The following TECRL variants were observed in gnomAD, a reference collection of about 807,000 sequenced individuals.
TECRL encodes trans-2,3-enoyl-CoA reductase-like.
Under a neutral mutation model 52.8 loss-of-function variants are expected in TECRL, and 63 were observed. The ratio of observed to expected loss-of-function variants is 1.19; its 90% CI spans 0.97 to 1.47. The LOEUF is 1.47. Ranked by LOEUF, TECRL falls within the 40% of genes most tolerant of loss-of-function variation. TECRL has a pLI of 0.00. For missense variants in TECRL, 482 were observed against 429.6 expected (o/e 1.12, Z -1.08); for synonymous variants, 164 against 141.9 (o/e 1.16, Z -1.10).
chr4:64,286,534 TA>T (rs151059555), intron 9 of TECRL, among the ~76,000 whole-genome samples: 31,656 of 145,360 alleles, frequency 0.22, 3,433 homozygotes, highest in South Asian at 0.29. Flanking sequence ...TTTTAGAACG[TA>T]AAAAAAAAAA....
At chr4:64,325,993 C>G (rs917982634) in intron 3 of TECRL, among the ~76,000 whole-genome samples, 2 of 152,104 alleles carry the variant, frequency 1.3e-5, no homozygotes, top group Non-Finnish European at 2.9e-5. Flanking sequence ...GCCAAGAGGA[C>G]AGGAAATACC....
At chr4:64,343,264 C>T (rs1043099258) in intron 2 of TECRL, among the ~76,000 whole-genome samples, 2 of 152,054 alleles carry the variant, frequency 1.3e-5, no homozygotes, top group Middle Eastern at 3.4e-3. Flanking sequence ...TATATCTCTC[C>T]GTGTTTATGT....
chr4:64,385,384 G>A (rs1723105552), intron 1 of TECRL, among the ~76,000 whole-genome samples: 1 of 152,202 alleles, frequency 6.6e-6, no homozygotes, highest in Non-Finnish European at 1.5e-5. Context: ...GGTCAATGGT[G>A]CAATGTTGCA....
intron 2 of TECRL, among the ~76,000 whole-genome samples, chr4:64,349,827 T>C (rs1206076771): frequency 6.6e-6 from 1 of 152,134 alleles, no homozygotes; most frequent in Non-Finnish European, 1.5e-5. Flanking sequence ...AAGTTGACTA[T>C]ACATCAAAAA....
chr4:64,282,517 A>G (rs1722878762), intron 9 of TECRL, among the ~76,000 whole-genome samples: 1 of 151,936 alleles, frequency 6.6e-6, no homozygotes, highest in African/African-American at 2.4e-5. Flanking sequence ...GTTATTACTG[A>G]TTTTTTACAG....
intron 2 of TECRL, among the ~76,000 whole-genome samples, chr4:64,374,006 G>GTATGGTA: frequency 7.4e-6 from 1 of 135,180 alleles, no homozygotes; most frequent in East Asian, 2.1e-4. Context: ...CTATACTATA[G>GTATGGTA]TATAGTATAT....
At chr4:64,391,440 A>AAAT (rs1723541233) in intron 1 of TECRL, among the ~76,000 whole-genome samples, 1 of 151,890 alleles carries the variant, frequency 6.6e-6, no homozygotes, top group East Asian at 1.9e-4. Context: ...TTTCAAAGTT[A>AAAT]AATGACCAGA....
At chr4:64,347,101 C>A (rs969308767) in intron 2 of TECRL, among the ~76,000 whole-genome samples, 1 of 152,174 alleles carries the variant, frequency 6.6e-6, no homozygotes, top group African/African-American at 2.4e-5. Flanking sequence ...TCTGCCTTTA[C>A]AATCCTGAAT....
chr4:64,296,674 TAAAG>T (rs1723704452), intron 8 of TECRL, among the ~76,000 whole-genome samples: 1 of 151,704 alleles, frequency 6.6e-6, no homozygotes, highest in Non-Finnish European at 1.5e-5. Context: ...TACAAAAAGA[TAAAG>T]AAAATAGGAA....
rs1432525326 is a variant in TECRL at position 64,284,485 on chromosome 4, A to T, written c.833-2926T>A. Among the ~76,000 whole-genome samples, 4 of 151,790 alleles carry T rather than the reference A, an allele frequency of 2.6e-5. No homozygotes were observed. In the East Asian group the frequency reaches 7.8e-4, roughly 29 times the overall value. On this transcript the variant is annotated intron_variant, in intron 9 of 11. Coordinates refer to ENST00000381210, the MANE Select transcript of TECRL (RefSeq NM_001010874.5). ...CAGGGAATATGGTAGTGAAAGGAAC[A>T]CCATCATCACTAAGATTCGCATTGG...
intron 5 of TECRL, among the ~76,000 whole-genome samples, chr4:64,313,530 G>A (rs1375198347): frequency 1.5e-5 from 2 of 136,506 alleles, no homozygotes; most frequent in Non-Finnish European, 3.1e-5. Context: ...CCCCCAGGCC[G>A]GAGTGCAGTG....
chr4:64,332,283 T>C (rs1057145573), intron 2 of TECRL, among the ~76,000 whole-genome samples: 1 of 152,122 alleles, frequency 6.6e-6, no homozygotes, highest in Admixed American at 6.6e-5. Context: ...TACCCTTAAA[T>C]AAGGATGAAT....
chr4:64,285,751 T>A (rs937405915), intron 9 of TECRL, among the ~76,000 whole-genome samples: 1 of 152,002 alleles, frequency 6.6e-6, no homozygotes, highest in African/African-American at 2.4e-5. Flanking sequence ...TTATCTGAAA[T>A]TAGTTGAGGC....
intron 2 of TECRL, among the ~76,000 whole-genome samples, chr4:64,349,513 G>A (rs973404455): frequency 2.0e-5 from 3 of 152,232 alleles, no homozygotes; most frequent in Admixed American, 1.3e-4. Context: ...TGATTACCCT[G>A]AGTGAAAATC....
At chr4:64,277,092 C>T (rs1463309811), downstream of TECRL, 2 of 1,398,338 alleles carry the variant, frequency 1.4e-6, no homozygotes, top group Admixed American at 4.0e-5. Context: ...AAACACATTT[C>T]ATAATTAAGA....
At chr4:64,321,855 G>C (rs1717923307) in intron 4 of TECRL, among the ~76,000 whole-genome samples, 1 of 152,094 alleles carries the variant, frequency 6.6e-6, no homozygotes, top group Non-Finnish European at 1.5e-5. Context: ...GTTGCCAAAA[G>C]TTTGTTTCTC....
intron 5 of TECRL, among the ~76,000 whole-genome samples, chr4:64,312,455 G>T (rs958577996): frequency 1.3e-5 from 2 of 152,138 alleles, no homozygotes; most frequent in Admixed American, 1.3e-4. Flanking sequence ...TACCAAACAT[G>T]CTGTATTTCT....
chr4:64,366,901 G>A (rs973327778), intron 2 of TECRL, among the ~76,000 whole-genome samples: 1 of 27,180 alleles, frequency 3.7e-5, no homozygotes, highest in African/African-American at 5.8e-5. Flanking sequence ...ATGCCTGAAG[G>A]AATATGTCAT....
rs1464343344 is a variant in TECRL, at chr4:64,409,251, T to C, written c.101A>G (p.His34Arg). The C allele has an allele frequency of 3.1e-6, 5 of 1,613,738 alleles. No individual in the cohort carries two copies. Among genetic ancestry groups the C allele is most frequent in the Non-Finnish European group, 4.2e-6 (5 of 1,179,836 alleles). Residue 34 changes from histidine to arginine, a missense_variant, in exon 1 of 12, where the codon CAC (histidine) becomes CGC (arginine). His to Arg is a conservative substitution (Grantham distance 29). Coordinates refer to ENST00000381210, the MANE Select transcript of TECRL (RefSeq NM_001010874.5). The stretch of plus-strand genomic sequence containing the variant: ...TGAGAGTACAAGTTTTGACAAAAAG[T>C]GAAAATTTCTCATATCATCCTTCAG... ...FILKDDMRNF[H>R]FLSKLVLSAG...
Sources: gnomAD v4.1 joint callset for allele counts (sites outside exome capture counted in the v4.1 genomes callset) on GRCh38, gnomAD v4.1.1 for gene constraint, MANE v1.5 for transcripts, NCBI Gene and HGNC (gene_info 2026-07-23, HGNC 2026-07-21) for gene names.